MGLL: variants seen among roughly 807,000 people sequenced by gnomAD.
MGLL encodes lysophospholipase homolog.
A neutral mutation model predicts 29.1 loss-of-function variants in MGLL; 7 were observed. The ratio of observed to expected loss-of-function variants is 0.24; its 90% CI spans 0.14 to 0.45. MGLL has a LOEUF of 0.45. Ranked by LOEUF, MGLL falls within the 20% of genes least tolerant of loss-of-function variation. MGLL has a pLI of 0.99. For missense variants in MGLL, 356 were observed against 413.6 expected (o/e 0.86, Z 1.21); for synonymous variants, 148 against 168.3 (o/e 0.88, Z 0.93).
chr3:127,816,158 A>G (rs770401919), intron 2 of MGLL, among the ~76,000 whole-genome samples: 4 of 152,218 alleles, frequency 2.6e-5, no homozygotes, highest in Admixed American at 2.6e-4. Flanking sequence ...CTGGCTGGTG[A>G]TGCGGGAACA....
chr3:127,812,408 G>C (rs1293073232), intron 2 of MGLL, among the ~76,000 whole-genome samples: 1 of 152,166 alleles, frequency 6.6e-6, no homozygotes, highest in Non-Finnish European at 1.5e-5. Context: ...AGTTTATCAG[G>C]GAGCCTGAAA....
At chr3:127,724,965 C>T (rs1299381018) in intron 3 of MGLL, among the ~76,000 whole-genome samples, 2 of 152,168 alleles carry the variant, frequency 1.3e-5, no homozygotes, top group East Asian at 1.9e-4. Flanking sequence ...GCCCAGCCTG[C>T]TCCCTGTGCC....
intron 3 of MGLL, among the ~76,000 whole-genome samples, chr3:127,732,658 G>T (rs1425401931): frequency 4.6e-5 from 7 of 152,206 alleles, no homozygotes; most frequent in African/African-American, 1.7e-4. Context: ...GGGACAGGTG[G>T]TTCACACTCA....
At chr3:127,695,283 C>A (rs2075336970) in intron 6 of MGLL, 93 bp from the exon 7 acceptor site, 3 of 1,304,506 alleles carry the variant, frequency 2.3e-6, no homozygotes, top group African/African-American at 1.5e-5. Flanking sequence ...TCTGCTCTGG[C>A]CTGAAGGGTT....
chr3:127,815,079 G>A (rs2077730777), intron 2 of MGLL, among the ~76,000 whole-genome samples: 1 of 152,148 alleles, frequency 6.6e-6, no homozygotes, highest in South Asian at 2.1e-4. Flanking sequence ...TCCTTGTGGG[G>A]AGAGGGTGTA....
intron 6 of MGLL, among the ~76,000 whole-genome samples, chr3:127,705,776 C>CAAA (rs36125403): frequency 1.8e-5 from 2 of 112,428 alleles, no homozygotes; most frequent in Non-Finnish European, 1.9e-5. Context: ...AACTCCATCT[C>CAAA]AAAAAAAAAA....
At chr3:127,753,298 C>T (rs2107672303) in intron 3 of MGLL, among the ~76,000 whole-genome samples, 1 of 152,194 alleles carries the variant, frequency 6.6e-6, no homozygotes, top group East Asian at 1.9e-4. Context: ...GATGAATTCC[C>T]TTCACCCAAA....
At chr3:127,811,856 C>T (rs1021679304) in intron 2 of MGLL, among the ~76,000 whole-genome samples, 1 of 152,260 alleles carries the variant, frequency 6.6e-6, no homozygotes, top group Non-Finnish European at 1.5e-5. Context: ...CTGCCAGTGC[C>T]TGCTGATCCA....
intron 6 of MGLL, among the ~76,000 whole-genome samples, chr3:127,699,136 C>T (rs138449643): frequency 0.02 from 3,093 of 152,354 alleles, 43 homozygotes; most frequent in Non-Finnish European, 0.03. Context: ...AAAGCCTCCT[C>T]TTGGGTTTTA....
intron 5 of MGLL, chr3:127,710,919 C>T (rs1293629407): frequency 1.3e-5 from 7 of 520,706 alleles, no homozygotes; most frequent in East Asian, 7.0e-5. Context: ...TGGGAAGTCA[C>T]GTCTGAATTT....
At chr3:127,730,778 C>T (rs1319022850) in intron 3 of MGLL, among the ~76,000 whole-genome samples, 2 of 152,192 alleles carry the variant, frequency 1.3e-5, no homozygotes, top group Admixed American at 1.3e-4. Flanking sequence ...AGCAGGGGTG[C>T]CACATGGCTC....
At chr3:127,740,490 G>A (rs908041123) in intron 3 of MGLL, among the ~76,000 whole-genome samples, 2 of 152,156 alleles carry the variant, frequency 1.3e-5, no homozygotes, top group African/African-American at 2.4e-5. Context: ...GAGGACTGCC[G>A]GGACCCAGGT....
intron 4 of MGLL, 124 bp from the exon 5 acceptor site, chr3:127,721,287 C>T (rs763253227): frequency 1.3e-5 from 10 of 756,874 alleles, no homozygotes; most frequent in Non-Finnish European, 2.0e-5. Flanking sequence ...GGAGGACTAC[C>T]TTGGAAGAGG....
At chr3:127,799,906 C>T (rs984132935) in intron 2 of MGLL, among the ~76,000 whole-genome samples, 3 of 152,236 alleles carry the variant, frequency 2.0e-5, no homozygotes, top group African/African-American at 7.2e-5. Flanking sequence ...ACTGCATTCT[C>T]TCTTCTGTAG....
chr3:127,743,326 A>G (rs1411853711), intron 3 of MGLL, among the ~76,000 whole-genome samples: 1 of 152,202 alleles, frequency 6.6e-6, no homozygotes, highest in Non-Finnish European at 1.5e-5. Flanking sequence ...CAACTTGAAT[A>G]TGCTTTTAAA....
At chr3:127,730,534 C>T (rs1411185336) in intron 3 of MGLL, among the ~76,000 whole-genome samples, 1 of 152,154 alleles carries the variant, frequency 6.6e-6, no homozygotes, top group Admixed American at 6.5e-5. Flanking sequence ...TCCCTTCATC[C>T]ATGGCATCCA....
Position 127,759,217 on chromosome 3 carries a change from G to A in MGLL, c.262+22572C>T, listed in dbSNP as rs139778269. 1.7e-4 allele frequency among the ~76,000 whole-genome samples: 26 copies of A among 152,254 alleles called. No individual in the cohort carries two copies. In the East Asian group the frequency reaches 4.2e-3, roughly 25 times the overall value. On this transcript the variant is annotated intron_variant, in intron 3 of 7. Coordinates refer to ENST00000265052, the MANE Select transcript of MGLL (RefSeq NM_007283.7). ...TGGGATTACAGGCGTGAGCCACTGC[G>A]CCCGGCCCTGGCAGCTATTTCTCAC...
chr3:127,758,245 T>C (rs2076699338), intron 3 of MGLL, among the ~76,000 whole-genome samples: 1 of 152,054 alleles, frequency 6.6e-6, no homozygotes, highest in Non-Finnish European at 1.5e-5. Flanking sequence ...CTGCCCCCAC[T>C]GCCCCGCCCT....
intron 3 of MGLL, among the ~76,000 whole-genome samples, chr3:127,749,484 T>G (rs1013803862): frequency 6.6e-5 from 10 of 152,232 alleles, no homozygotes; most frequent in African/African-American, 2.4e-4. Flanking sequence ...CAGTGCCCTC[T>G]TCTATTCCTT....
Sources: allele counts gnomAD v4.1 joint callset (sites outside exome capture counted in the v4.1 genomes callset), GRCh38; gene constraint gnomAD v4.1.1; transcripts MANE v1.5; gene names NCBI Gene and HGNC (gene_info 2026-07-23, HGNC 2026-07-21).